Variants in UBXN11 observed in about 807,000 individuals in gnomAD.
UBXN11 encodes the protein UBX domain-containing protein 11.
UBXN11 carries 47 observed loss-of-function variants against 62.8 expected under a neutral mutation model. That is an observed-to-expected ratio of 0.75 (90% CI 0.59 to 0.95). The LOEUF is 0.95. Among genes scored for constraint, UBXN11 ranks in the 40% least tolerant of loss-of-function variants. The probability of loss-of-function intolerance (pLI) is 0.00; values close to 1 mark genes in which losing one functional copy is unlikely to be tolerated. For synonymous variants in UBXN11, 294 were observed against 267.0 expected, an observed-to-expected ratio of 1.10 and a Z score of -0.99; for missense variants, 638 against 661.7, an observed-to-expected ratio of 0.96 and a Z score of 0.39.
chr1:26,285,720 C>A, intron 9 of UBXN11, 103 bp downstream of exon 9: 1 of 1,448,716 alleles, frequency 6.9e-7, no homozygotes, highest in Non-Finnish European at 9.2e-7. Context: ...CTGGGTGCCC[C>A]GTGGAGGGCA....
chr1:26,293,776 C>G (rs1203027753), intron 8 of UBXN11, among the ~76,000 whole-genome samples: 1 of 147,098 alleles, frequency 6.8e-6, no homozygotes, highest in Non-Finnish European at 1.5e-5. Context: ...CCCACAGAAC[C>G]AGGTGGATTC....
At chr1:26,307,328 T>C (rs1298157657), upstream of UBXN11, among the ~76,000 whole-genome samples, 1 of 152,232 alleles carries the variant, frequency 6.6e-6, no homozygotes, top group Non-Finnish European at 1.5e-5. Context: ...GGGCACTTTA[T>C]ACACCTTAGT....
At chr1:26,305,146 G>C (rs1557691127) in intron 1 of UBXN11, among the ~76,000 whole-genome samples, 1 of 151,990 alleles carries the variant, frequency 6.6e-6, no homozygotes, top group Non-Finnish European at 1.5e-5. Context: ...TGTCGCCCAG[G>C]CTGGAGAGCA....
At position 26,301,705 on chromosome 1, in the gene UBXN11, A is replaced by G. The variant is rs372063829; in HGVS notation, c.89T>C (p.Ile30Thr). The change falls in exon 3 of 15, where the codon ATC becomes ACC. Residue 30 changes from isoleucine to threonine, a missense_variant. By Grantham distance (89) the Ile-to-Thr change is moderately conservative. Transcript: ENST00000374222. ...PMNPGRRGIR[I>T]YGDEDEVDML... ...CGGGGCACACTTACCATCTCCATAG[A>G]TGCGGATTCCTCGCCTCCTGGGAAC... is the stretch of plus-strand genomic sequence containing the variant. 625 of 1,614,032 alleles carry G rather than the reference A, an allele frequency of 3.9e-4. 5 individuals carry two copies. In the South Asian group the frequency reaches 4.6e-3, roughly 12 times the overall value.
intron 5 of UBXN11, 64 bp from the exon 6 acceptor site, chr1:26,297,545 A>T: frequency 6.8e-7 from 1 of 1,469,078 alleles, no homozygotes; most frequent in Non-Finnish European, 9.0e-7. Context: ...CCAGACAGGA[A>T]GCTCCAGAGC....
chr1:26,298,622 C>A (rs1245330435), intron 4 of UBXN11, among the ~76,000 whole-genome samples: 1 of 151,594 alleles, frequency 6.6e-6, no homozygotes, highest in Non-Finnish European at 1.5e-5. Context: ...TGAAACCCTG[C>A]CTCTACTAAA....
intron 1 of UBXN11, among the ~76,000 whole-genome samples, chr1:26,304,051 C>T (rs1325247074): frequency 6.6e-6 from 1 of 152,156 alleles, no homozygotes; most frequent in African/African-American, 2.4e-5. Flanking sequence ...GCCACTGCAC[C>T]CAGCCTGGAC....
chr1:26,311,491 G>A (rs1462493930), upstream of UBXN11, among the ~76,000 whole-genome samples: 2 of 150,714 alleles, frequency 1.3e-5, no homozygotes, highest in Non-Finnish European at 2.9e-5. Flanking sequence ...TGCCAAGGTT[G>A]GAGTGCAGTG....
At chr1:26,297,312 A>G in intron 6 of UBXN11, 115 bp downstream of exon 6, 1 of 1,264,532 alleles carries the variant, frequency 7.9e-7, no homozygotes, top group South Asian at 1.5e-5. Flanking sequence ...AGACCCCACC[A>G]AGTAGTCAGC....
At chr1:26,315,567 G>T (rs1474937201) in intron 1 of UBXN11, among the ~76,000 whole-genome samples, 2 of 152,178 alleles carry the variant, frequency 1.3e-5, no homozygotes, top group Non-Finnish European at 2.9e-5. Context: ...GTGATGGATG[G>T]CTGGGGACTC....
intron 10 of UBXN11, chr1:26,284,731 C>G (rs2124633293): frequency 7.9e-7 from 1 of 1,271,508 alleles, no homozygotes. Flanking sequence ...CCTTGGAGAC[C>G]CCCCTCTCAG....
At chr1:26,305,796 C>T (rs2073653386) in intron 1 of UBXN11, among the ~76,000 whole-genome samples, 1 of 152,174 alleles carries the variant, frequency 6.6e-6, no homozygotes, top group Admixed American at 6.5e-5. Context: ...CTCCTTCCTT[C>T]CCTCTTACGC....
At position 26,282,855 on chromosome 1, in the gene UBXN11, C is replaced by T. The variant is rs370051543; in HGVS notation, c.1151+9G>A. The T allele has an allele frequency of 2.5e-5, 41 of 1,614,044 alleles. No homozygotes were observed. The highest frequency in any genetic ancestry group is 3.3e-5 in the Non-Finnish European group (39 of 1,180,028). ...CCCCCAGGCCCTCACCTCCTCATCC[C>T]GCCCTCACCTCTCTCGCTCAGCGGC... On this transcript the variant is annotated intron_variant, in intron 13 of 14. Coordinates refer to ENST00000374222, the MANE Select transcript of UBXN11 (RefSeq NM_001389556.1).
intron 7 of UBXN11, among the ~76,000 whole-genome samples, chr1:26,294,950 G>T (rs554455752): frequency 6.6e-6 from 1 of 152,238 alleles, no homozygotes; most frequent in South Asian, 2.1e-4. Context: ...CTCCTGGGCT[G>T]TTCCTTTCCA....
chr1:26,313,828 T>G (rs1342462130), intron 1 of UBXN11, among the ~76,000 whole-genome samples: 2 of 149,660 alleles, frequency 1.3e-5, no homozygotes, highest in Non-Finnish European at 3.0e-5. Context: ...TCGCCCAGGC[T>G]GGAGTGCAGT....
In UBXN11 at chr1:26,285,677, TGGGAGAG is replaced by T. The variant is rs971667131; in HGVS notation, c.774+139_775-137del. 2.3e-5 allele frequency: 32 copies of T among 1,362,718 alleles called. No homozygotes were observed. The African/African-American group carries it at 4.4e-4, about 19-fold the overall frequency. The allele number at this position is 1,362,718 out of a possible 1,614,324, so 84.4% of individuals were successfully genotyped here. Reference sequence around the variant, plus strand: ...TGGAAACATTCAGAGTCCCAGGCCTTGGGAGAGGGGCCTCTGCAAGTCGTGTGTGGGC... The same window carrying T: ...TGGAAACATTCAGAGTCCCAGGCCTTGGGCCTCTGCAAGTCGTGTGTGGGC... On this transcript the variant is annotated intron_variant, in intron 9 of 14. Coordinates refer to ENST00000374222, the MANE Select transcript of UBXN11 (RefSeq NM_001389556.1).
At position 26,293,724 on chromosome 1, in the gene UBXN11, CA is replaced by C. The variant is rs1163207554; in HGVS notation, c.559+480del. On this transcript the variant is annotated intron_variant, in intron 8 of 14. Coordinates refer to ENST00000374222, the MANE Select transcript of UBXN11 (RefSeq NM_001389556.1). ...TGGGTGACAGAGCAAGACTCCGTCT[CA>C]AAAAAAAAAAAAAAAAAAAAAAAAA... Among the ~76,000 whole-genome samples the C allele has an allele frequency of 7.5e-3, 201 of 26,936 alleles. 1 individual carries two copies. The highest frequency in any genetic ancestry group is 0.05 in the East Asian group (25 of 498). The allele number at this position is 26,936 out of a possible 152,430, so 17.7% of individuals were successfully genotyped here.
At chr1:26,304,672 G>C (rs927491326) in intron 1 of UBXN11, among the ~76,000 whole-genome samples, 6 of 152,112 alleles carry the variant, frequency 3.9e-5, no homozygotes. Context: ...AGAATTGCTT[G>C]AACCCAGGAG....
Position 26,297,969 on chromosome 1 carries a change from AG to A in UBXN11, c.292del (p.Leu98CysfsTer7), listed in dbSNP as rs2073435820. 3.1e-6 allele frequency: 5 copies of A among 1,613,646 alleles called. No homozygotes were observed. The African/African-American group carries it at 6.7e-5, about 22-fold the overall frequency. On this transcript the variant is annotated frameshift_variant, in exon 5 of 15. Coordinates refer to ENST00000374222, the MANE Select transcript of UBXN11 (RefSeq NM_001389556.1). LOFTEE classifies it high-confidence loss of function. ...QQVKAQTDEILSKDQKIAALE... is the reference protein window; with the variant it reads ...QQVKAQTDEIXSKDQKIAALE... ...TCCCACCTGGAGCCCCACCTTGGAC[AG>A]TATCTCATCAGTCTGGGCCTTCACC... is the stretch of plus-strand genomic sequence containing the variant.
Sources: gnomAD v4.1 joint callset for allele counts (sites outside exome capture counted in the v4.1 genomes callset) on GRCh38, gnomAD v4.1.1 for gene constraint, MANE v1.5 for transcripts, NCBI Gene and HGNC (gene_info 2026-07-23, HGNC 2026-07-21) for gene names.